Variants in GNS observed in about 807,000 individuals in gnomAD.
GNS encodes N-acetylglucosamine-6-sulfatase.
A neutral mutation model predicts 69.7 loss-of-function variants in GNS; 40 were observed. The observed-to-expected ratio is 0.57, with a 90% confidence interval of 0.45 to 0.75. The LOEUF (loss-of-function observed/expected upper bound fraction) is 0.75, where lower values mean the gene tolerates loss of function less well. Ranked by LOEUF, GNS falls within the 30% of genes least tolerant of loss-of-function variation. The probability of loss-of-function intolerance (pLI) is 0.00; values close to 1 mark genes in which losing one functional copy is unlikely to be tolerated. For missense variants in GNS, 565 were observed against 685.5 expected, an observed-to-expected ratio of 0.82 and a Z score of 1.96; for synonymous variants, 243 against 251.6, an observed-to-expected ratio of 0.97 and a Z score of 0.32.
rs530253977 is a variant in GNS at position 64,749,531 on chromosome 12, C to A, written c.253-1613G>T. Among the ~76,000 whole-genome samples, 18 of 152,180 alleles carry A rather than the reference C, an allele frequency of 1.2e-4. 1 individual carries two copies. The highest frequency in any genetic ancestry group is 2.4e-4 in the Non-Finnish European group (16 of 68,024). ...CCTCCCAAAGTGCTGGGATTATAGG[C>A]GTGAGCCACCGTGTCTAGCCGATTT... On this transcript the variant is annotated intron_variant, in intron 2 of 13. Transcript: ENST00000258145.
Position 64,759,219 on chromosome 12 carries a change from G to T in GNS, c.58C>A (p.Pro20Thr). Residue 20 changes from proline to threonine, a missense_variant, in exon 1 of 14, where the codon CCC becomes ACC. Coordinates refer to ENST00000258145, the MANE Select transcript of GNS (RefSeq NM_002076.4). ...AGTAGCAGCGCTGGGCTGCAGGAGG[G>T]CAGGTGGCGGGGGCTGCCCCGCCGG... is the stretch of plus-strand genomic sequence containing the variant. ...RLRRGSPRHL[P>T]SCSPALLLLV... is the part of the protein sequence containing the mutation. The T allele has an allele frequency of 6.5e-7, 1 of 1,546,268 alleles. No individual in the cohort carries two copies. Among genetic ancestry groups the T allele is most frequent in the Non-Finnish European group, 8.7e-7 (1 of 1,145,218 alleles).
At chr12:64,724,336 G>A (rs954646847) in intron 10 of GNS, among the ~76,000 whole-genome samples, 1 of 152,186 alleles carries the variant, frequency 6.6e-6, no homozygotes, top group African/African-American at 2.4e-5. Flanking sequence ...AGTCCCACAG[G>A]CAATTCTGGG....
intron 9 of GNS, among the ~76,000 whole-genome samples, chr12:64,734,091 A>C (rs936328872): frequency 2.6e-5 from 4 of 152,210 alleles, no homozygotes; most frequent in African/African-American, 9.6e-5. Context: ...CACATGATGC[A>C]TCACCCATCG....
intron 1 of GNS, among the ~76,000 whole-genome samples, chr12:64,755,172 G>A (rs1218880839): frequency 6.6e-6 from 1 of 152,100 alleles, no homozygotes; most frequent in African/African-American, 2.4e-5. Flanking sequence ...ACCCCAAGCA[G>A]AACCCTTTTC....
intron 9 of GNS, among the ~76,000 whole-genome samples, chr12:64,731,227 C>T (rs1479335301): frequency 2.0e-5 from 3 of 152,242 alleles, no homozygotes; most frequent in Non-Finnish European, 4.4e-5. Flanking sequence ...CAGGTACACA[C>T]CATGATGCCC....
intron 1 of GNS, 39 bp downstream of exon 1, chr12:64,759,046 C>A: frequency 6.7e-7 from 1 of 1,502,740 alleles, no homozygotes; most frequent in Non-Finnish European, 9.1e-7. Flanking sequence ...GGTAGTCAGC[C>A]CAAGAGATAG....
rs1295597458 is a variant in GNS, at chr12:64,740,676, A to G, written c.805T>C (p.Leu269=). ...ATTGGAGTCTTGGCTTGCCTAATTA[A>G]CCAGTGCTTGTTCTAAAATTTAGAA... ...FNIHGTNKHW[L]IRQAKTPMTN... Residue 269 remains leucine, a synonymous_variant, in exon 7 of 14, where the codon TTA becomes CTA. Transcript: ENST00000258145. The G allele has an allele frequency of 1.3e-6, 2 of 1,556,068 alleles. No homozygotes were observed. Among genetic ancestry groups the G allele is most frequent in the Non-Finnish European group, 1.8e-6 (2 of 1,127,254 alleles).
rs1224728843 is a variant in GNS at position 64,739,499 on chromosome 12, C to G, written c.876G>C (p.Arg292Ser). 3.3e-6 allele frequency: 5 copies of G among 1,502,148 alleles called. No homozygotes were observed. The highest frequency in any genetic ancestry group is 4.6e-6 in the Non-Finnish European group (5 of 1,078,864). 93.1% of individuals were successfully genotyped at this position (1,502,148 alleles called of 1,614,324 possible). A position where few individuals can be genotyped will look rare whatever the true frequency, so the allele number is the denominator to read the frequency against. Residue 292 changes from arginine (R) to serine (S), a missense_variant and splice_region_variant, in exon 8 of 14, where the codon AGG becomes AGC. Coordinates refer to ENST00000258145, the MANE Select transcript of GNS (RefSeq NM_002076.4). Reference protein sequence around the residue: ...IQFLDNAFRKRWQTLLSVDDL... With the variant: ...IQFLDNAFRKSWQTLLSVDDL... ...CATCAACTGAGAGGAGAGTTTGCCA[C>G]CTGGATGTGAACAGAAGGTAGAAAT...
In GNS at chr12:64,743,216, T is replaced by C. The variant is rs1263645910; in HGVS notation, c.717A>G (p.Thr239=). The change falls in exon 6 of 14, where the codon ACA becomes ACG. Residue 239 remains threonine (T), a synonymous_variant. Transcript: ENST00000258145. ...AAGCCTTCTGGTACTGAGGTGCAGC[T>C]GTCCAAGGCGAATGAGGCGCTGGAG... ...IATPAPHSPW[T]AAPQYQKAFQ... 10 of 1,613,048 alleles carry C rather than the reference T, an allele frequency of 6.2e-6. 1 individual carries two copies. The South Asian group carries it at 9.9e-5, about 16-fold the overall frequency.
In GNS at chr12:64,722,008, TC is replaced by T. The variant is rs139714340; in HGVS notation, c.1309-304del. Among the ~76,000 whole-genome samples, 5,941 of 151,908 alleles carry T rather than the reference TC, an allele frequency of 0.039. 388 individuals are homozygous for T. Among genetic ancestry groups the T allele is most frequent in the African/African-American group, 0.14 (5,635 of 41,374 alleles). ...TGTATGGGTTGGCAAGGAGAAGAAA[TC>T]AACTCAAATGACTCCTTTCTTTTTT... On this transcript the variant is annotated intron_variant, in intron 11 of 13. Transcript: ENST00000258145.
chr12:64,734,076 G>A (rs967617410), intron 9 of GNS, among the ~76,000 whole-genome samples: 1 of 152,182 alleles, frequency 6.6e-6, no homozygotes, highest in Admixed American at 6.5e-5. Context: ...CAACTATGCT[G>A]CCAACACATG....
chr12:64,742,266 C>T (rs144397794), intron 6 of GNS, among the ~76,000 whole-genome samples: 11 of 152,200 alleles, frequency 7.2e-5, no homozygotes, highest in Admixed American at 1.3e-4. Flanking sequence ...GTGATTCGCC[C>T]GCCTTGGCCT....
At chr12:64,741,163 C>T (rs1326017319) in intron 6 of GNS, among the ~76,000 whole-genome samples, 37 of 16,720 alleles carry the variant, frequency 2.2e-3, no homozygotes, top group Middle Eastern at 0.019. Context: ...GCCGAGATCC[C>T]GCCACTGCAC....
intron 3 of GNS, among the ~76,000 whole-genome samples, chr12:64,746,626 A>T (rs1488710229): frequency 1.3e-5 from 2 of 152,250 alleles, no homozygotes; most frequent in Non-Finnish European, 2.9e-5. Flanking sequence ...GAATTATCCC[A>T]CTTTATCCTT....
At chr12:64,741,961 G>A (rs1157193059) in intron 6 of GNS, among the ~76,000 whole-genome samples, 1 of 152,060 alleles carries the variant, frequency 6.6e-6, no homozygotes, top group Non-Finnish European at 1.5e-5. Flanking sequence ...ATTGAGAATC[G>A]TCCTATTTTA....
chr12:64,758,545 G>A (rs904840404), intron 1 of GNS, among the ~76,000 whole-genome samples: 2 of 151,866 alleles, frequency 1.3e-5, no homozygotes, highest in African/African-American at 2.4e-5. Context: ...GGATGGTCTC[G>A]ATCTCTTGAC....
At chr12:64,758,994 G>C in intron 1 of GNS, 91 bp downstream of exon 1, 1 of 1,085,606 alleles carries the variant, frequency 9.2e-7, no homozygotes, top group Non-Finnish European at 1.4e-6. Context: ...AGCCAGTTCG[G>C]GGAGGAGGGT....
chr12:64,744,993 G>A (rs1869855114), intron 4 of GNS, 86 bp from the exon 5 acceptor site: 1 of 735,336 alleles, frequency 1.4e-6, no homozygotes, highest in Non-Finnish European at 2.5e-6. Context: ...ACTCTACTCT[G>A]AGCAGTGATA....
chr12:64,749,248 CTTTTTTT>C (rs759239939), intron 2 of GNS, among the ~76,000 whole-genome samples: 2 of 65,054 alleles, frequency 3.1e-5, no homozygotes, highest in South Asian at 1.1e-3. Flanking sequence ...CTTGATTTGG[CTTTTTTT>C]TTTTTTTTTT....
Sources: gnomAD v4.1 joint callset for allele counts (sites outside exome capture counted in the v4.1 genomes callset) on GRCh38, gnomAD v4.1.1 for gene constraint, MANE v1.5 for transcripts, NCBI Gene and HGNC (gene_info 2026-07-23, HGNC 2026-07-21) for gene names.